Variants in ST8SIA6 observed in about 807,000 individuals in gnomAD.
ST8SIA6 encodes alpha-2,8-sialyltransferase 8F.
A neutral mutation model predicts 33.6 loss-of-function variants in ST8SIA6; 39 were observed. That is an observed-to-expected ratio of 1.16 (90% CI 0.90 to 1.52). ST8SIA6 has a LOEUF of 1.52. Among genes scored for constraint, ST8SIA6 ranks in the 40% most tolerant of loss-of-function variants. The pLI, the probability that ST8SIA6 is intolerant of heterozygous loss-of-function variation, is 0.00. For missense variants in ST8SIA6, 441 were observed against 443.8 expected (o/e 0.99, Z 0.06); for synonymous variants, 172 against 167.2 (o/e 1.03, Z -0.22).
chr10:17,400,468 T>C (rs1026734297), intron 2 of ST8SIA6, among the ~76,000 whole-genome samples: 1 of 151,828 alleles, frequency 6.6e-6, no homozygotes, highest in Non-Finnish European at 1.5e-5. Context: ...GGAGGCGGAG[T>C]TTGCAGTGAG....
chr10:17,330,446 T>TC (rs45567335), intron 5 of ST8SIA6, among the ~76,000 whole-genome samples: 3,928 of 152,294 alleles, frequency 0.026, 68 homozygotes, highest in African/African-American at 0.047. Context: ...TATATTTTTG[T>TC]CCCTTTTTCT....
chr10:17,390,464 C>A, intron 3 of ST8SIA6, 67 bp downstream of exon 3: 1 of 1,341,114 alleles, frequency 7.5e-7, no homozygotes, highest in South Asian at 1.2e-5. Flanking sequence ...TTCAGAGACA[C>A]TGTCAGACAT....
chr10:17,369,263 CTA>C (rs1473768326), intron 3 of ST8SIA6, among the ~76,000 whole-genome samples: 1 of 152,070 alleles, frequency 6.6e-6, no homozygotes, highest in Admixed American at 6.5e-5. Flanking sequence ...TTTTGGTATG[CTA>C]TGTCTTCATT....
At chr10:17,427,234 T>C (rs1466902327) in intron 2 of ST8SIA6, among the ~76,000 whole-genome samples, 1 of 152,166 alleles carries the variant, frequency 6.6e-6, no homozygotes, top group Non-Finnish European at 1.5e-5. Context: ...GAATGAGAGT[T>C]CTCAGATGTT....
At chr10:17,396,819 C>A (rs1564443759) in intron 2 of ST8SIA6, among the ~76,000 whole-genome samples, 1 of 152,188 alleles carries the variant, frequency 6.6e-6, no homozygotes, top group Non-Finnish European at 1.5e-5. Context: ...TTTTTCTTTA[C>A]CTGAAAATCC....
intron 2 of ST8SIA6, among the ~76,000 whole-genome samples, chr10:17,404,715 G>A (rs1390382261): frequency 1.3e-5 from 2 of 152,074 alleles, no homozygotes; most frequent in Admixed American, 6.6e-5. Flanking sequence ...CCGCTGCGCT[G>A]CTCCTTGCCT....
chr10:17,360,912 G>C (rs10904938), intron 3 of ST8SIA6, among the ~76,000 whole-genome samples: 1 of 98,254 alleles, frequency 1.0e-5, no homozygotes. Context: ...AAGAAGAAGA[G>C]GAAGAAGGGA....
chr10:17,334,572 A>T (rs368157108), intron 4 of ST8SIA6, among the ~76,000 whole-genome samples: 1 of 128,838 alleles, frequency 7.8e-6, no homozygotes, highest in African/African-American at 2.7e-5. Flanking sequence ...TTATTATAAT[A>T]ATAAAATACA....
At position 17,392,386 on chromosome 10, in the gene ST8SIA6, G is replaced by T. The variant is rs928283045; in HGVS notation, c.201-1766C>A. 3.3e-5 allele frequency among the ~76,000 whole-genome samples: 5 copies of T among 152,178 alleles called. No homozygotes were observed. In the South Asian group the frequency reaches 1.0e-3, roughly 32 times the overall value. On this transcript the variant is annotated intron_variant, in intron 2 of 7. Coordinates refer to ENST00000377602, the MANE Select transcript of ST8SIA6 (RefSeq NM_001004470.3). ...AGAGGAAAAAGTGTGTGCAGGCCAG[G>T]CCCAGTGGCTCACACCTCTAGTCCC...
intron 3 of ST8SIA6, among the ~76,000 whole-genome samples, chr10:17,370,296 C>G (rs1257853332): frequency 2.6e-5 from 4 of 152,062 alleles, no homozygotes; most frequent in Non-Finnish European, 4.4e-5. Context: ...CAATCTCTGA[C>G]TTTTGATTGG....
chr10:17,439,526 C>T (rs138213639), intron 2 of ST8SIA6, among the ~76,000 whole-genome samples: 7 of 152,318 alleles, frequency 4.6e-5, no homozygotes, highest in Non-Finnish European at 1.0e-4. Flanking sequence ...GTGATCCACC[C>T]GCCTCGGCCT....
In ST8SIA6 at chr10:17,352,729, T is replaced by C. The variant is rs538854869; in HGVS notation, c.377+6785A>G. Among the ~76,000 whole-genome samples, 24 of 152,200 alleles carry C rather than the reference T, an allele frequency of 1.6e-4. No homozygotes were observed. The South Asian group carries it at 4.1e-3, about 26-fold the overall frequency. On this transcript the variant is annotated intron_variant, in intron 4 of 7. Transcript: ENST00000377602. The stretch of plus-strand genomic sequence containing the variant: ...AAGACCAAGGAGAGGAGCTAGTCCC[T>C]AAATGTGCAAGAGTTAGTTTCTGTT...
chr10:17,365,742 A>T (rs982339028), intron 3 of ST8SIA6, among the ~76,000 whole-genome samples: 1 of 152,172 alleles, frequency 6.6e-6, no homozygotes, highest in African/African-American at 2.4e-5. Flanking sequence ...GAACTACTGT[A>T]TTGGGTACTT....
chr10:17,376,061 C>A (rs1849907938), intron 3 of ST8SIA6, among the ~76,000 whole-genome samples: 1 of 152,194 alleles, frequency 6.6e-6, no homozygotes, highest in Non-Finnish European at 1.5e-5. Flanking sequence ...CAAACACCCA[C>A]CGCACATCAG....
Position 17,453,766 on chromosome 10 carries a change from C to G in ST8SIA6, c.102-109G>C, listed in dbSNP as rs1016416369. Reference sequence around the variant, plus strand: ...GGCAGGGAGATCTCGCACTCCCCGGCTCCCAGGCCAGGTCCCCAGCCCCAG... The same window carrying G: ...GGCAGGGAGATCTCGCACTCCCCGGGTCCCAGGCCAGGTCCCCAGCCCCAG... On this transcript the variant is annotated intron_variant, in intron 1 of 7. Transcript: ENST00000377602. 5.8e-6 allele frequency: 5 copies of G among 860,044 alleles called. No homozygotes were observed. The African/African-American group carries it at 8.8e-5, about 15-fold the overall frequency. The allele number at this position is 860,044 out of a possible 1,614,324, so 53.3% of individuals were successfully genotyped here.
chr10:17,322,956 C>A, intron 7 of ST8SIA6, 109 bp downstream of exon 7: 3 of 967,760 alleles, frequency 3.1e-6, no homozygotes, highest in Non-Finnish European at 4.6e-6. Flanking sequence ...AAACTCATTC[C>A]ACCTGTACTG....
intron 3 of ST8SIA6, among the ~76,000 whole-genome samples, chr10:17,389,875 G>A (rs149768100): frequency 2.4e-4 from 36 of 152,226 alleles, no homozygotes; most frequent in Admixed American, 4.6e-4. Flanking sequence ...CAGGCTGGAC[G>A]AAGTGGTGCA....
intron 3 of ST8SIA6, among the ~76,000 whole-genome samples, chr10:17,379,681 C>A (rs1301864028): frequency 6.6e-6 from 1 of 152,120 alleles, no homozygotes; most frequent in East Asian, 1.9e-4. Flanking sequence ...AGCTGCCCCA[C>A]CTTTCCAGAC....
chr10:17,406,632 A>G (rs1554798487), intron 2 of ST8SIA6, among the ~76,000 whole-genome samples: 2 of 152,158 alleles, frequency 1.3e-5, no homozygotes, highest in East Asian at 1.9e-4. Flanking sequence ...TAGTCTATAC[A>G]GCGGCGGTTG....
Sources: allele counts gnomAD v4.1 joint callset (sites outside exome capture counted in the v4.1 genomes callset), GRCh38; gene constraint gnomAD v4.1.1; transcripts MANE v1.5; gene names NCBI Gene and HGNC (gene_info 2026-07-23, HGNC 2026-07-21).